MYZAP: variants seen among roughly 807,000 people sequenced by gnomAD.
MYZAP encodes the protein myocardial zonula adherens protein, also known as GRINL1A complex locus upstream.
Under a neutral mutation model 69.4 loss-of-function variants are expected in MYZAP, and 66 were observed. That is an observed-to-expected ratio of 0.95 (90% CI 0.78 to 1.17). MYZAP has a LOEUF of 1.17. Among genes scored for constraint, MYZAP ranks in the 50% most tolerant of loss-of-function variants. The pLI is 0.00. For synonymous variants in MYZAP, 256 were observed against 205.9 expected, an observed-to-expected ratio of 1.24 and a Z score of -2.09; for missense variants, 611 against 556.2, an observed-to-expected ratio of 1.10 and a Z score of -0.99.
chr15:57,630,823 G>A (rs1288208537), intron 6 of MYZAP, among the ~76,000 whole-genome samples: 3 of 152,224 alleles, frequency 2.0e-5, no homozygotes, highest in Non-Finnish European at 4.4e-5. Context: ...TATCTTATGA[G>A]TAGCGTATCC....
chr15:57,609,426 A>G (rs2034967772), intron 2 of MYZAP, among the ~76,000 whole-genome samples: 1 of 152,108 alleles, frequency 6.6e-6, no homozygotes, highest in South Asian at 2.1e-4. Context: ...GCTCTTGGTA[A>G]TCCTTGCCTT....
chr15:57,653,230 T>C (rs990282728), intron 10 of MYZAP, among the ~76,000 whole-genome samples: 1 of 152,082 alleles, frequency 6.6e-6, no homozygotes, highest in Non-Finnish European at 1.5e-5. Flanking sequence ...AATGAAAACA[T>C]TATAAAGAAA....
intron 5 of MYZAP, among the ~76,000 whole-genome samples, chr15:57,626,893 C>T (rs2036168374): frequency 6.6e-6 from 1 of 152,204 alleles, no homozygotes; most frequent in South Asian, 2.1e-4. Context: ...TCTGGTGGGG[C>T]TTCTGAGTCC....
intron 2 of MYZAP, among the ~76,000 whole-genome samples, chr15:57,608,986 G>A (rs1026171807): frequency 2.6e-5 from 4 of 152,150 alleles, no homozygotes; most frequent in African/African-American, 9.7e-5. Flanking sequence ...ATGTGCTGGG[G>A]TGGTCACTCT....
chr15:57,605,843 C>G (rs973388495), intron 2 of MYZAP, among the ~76,000 whole-genome samples: 1 of 152,002 alleles, frequency 6.6e-6, no homozygotes, highest in Non-Finnish European at 1.5e-5. Context: ...GACCTAGCAG[C>G]CAGTTTGAAT....
rs376336729 is a variant in MYZAP, at chr15:57,622,260, TA to T, written c.411+561del. Among the ~76,000 whole-genome samples the T allele has an allele frequency of 5.2e-3, 789 of 151,988 alleles. 22 individuals are homozygous for T. The East Asian group carries it at 0.054, about 10-fold the overall frequency. ...TCCCAAAATATCATCAACAGAAAAATACTACATACCTAGGAGTCAACTATAA... is the reference window on the plus strand; with the variant it reads ...TCCCAAAATATCATCAACAGAAAAATCTACATACCTAGGAGTCAACTATAA... On this transcript the variant is annotated intron_variant, in intron 4 of 12. Coordinates refer to ENST00000267853, the MANE Select transcript of MYZAP (RefSeq NM_001018100.5).
At chr15:57,609,335 G>A (rs564012638) in intron 2 of MYZAP, among the ~76,000 whole-genome samples, 1 of 152,342 alleles carries the variant, frequency 6.6e-6, no homozygotes, top group East Asian at 1.9e-4. Flanking sequence ...GAGTTCATAT[G>A]TCTGGGATCA....
rs1248286369 is a variant in MYZAP, at chr15:57,676,523, A to G, written c.1304+1455A>G. On this transcript the variant is annotated intron_variant, in intron 12 of 12. Coordinates refer to ENST00000267853, the MANE Select transcript of MYZAP (RefSeq NM_001018100.5). ...TTCAGATATATTTTCATATATGAAA[A>G]TATAACCAAAAAGAACGATCAATTG... 3.3e-5 allele frequency among the ~76,000 whole-genome samples: 5 copies of G among 150,664 alleles called. No individual in the cohort carries two copies. In the East Asian group the frequency reaches 9.7e-4, roughly 29 times the overall value.
chr15:57,606,544 A>G (rs1407719329), intron 2 of MYZAP, among the ~76,000 whole-genome samples: 1 of 130,522 alleles, frequency 7.7e-6, no homozygotes, highest in African/African-American at 2.9e-5. Context: ...ACATGGACGC[A>G]GGAAGGGGAA....
intron 2 of MYZAP, among the ~76,000 whole-genome samples, chr15:57,604,559 C>T (rs2034625102): frequency 6.6e-6 from 1 of 152,224 alleles, no homozygotes; most frequent in Admixed American, 6.5e-5. Context: ...CCGACGTGCC[C>T]TGCTCTTGTT....
rs1370310691 is a variant in MYZAP at position 57,599,617 on chromosome 15, A to G, written c.76-4652A>G. On this transcript the variant is annotated intron_variant, in intron 1 of 12. Coordinates refer to ENST00000267853, the MANE Select transcript of MYZAP (RefSeq NM_001018100.5). ...GAATAAAGTGCCCTACCTGCCTTTC[A>G]GGCACTGCCAAGCCTGGGGCATCTC... is the stretch of plus-strand genomic sequence containing the variant. The G allele has an allele frequency of 2.3e-6, 3 of 1,289,040 alleles. No individual in the cohort carries two copies. In the Admixed American group the frequency reaches 6.9e-5, roughly 30 times the overall value. 79.9% of individuals were successfully genotyped at this position (1,289,040 alleles called of 1,614,324 possible). A position where few individuals can be genotyped will look rare whatever the true frequency, so the allele number is the denominator to read the frequency against.
In MYZAP at chr15:57,592,069, C is replaced by T. The variant is rs1946818955; in HGVS notation, c.35C>T (p.Ser12Leu). 1 of 1,393,280 alleles carries T rather than the reference C, an allele frequency of 7.2e-7. No homozygotes were observed. The highest frequency in any genetic ancestry group is 3.1e-5 in the East Asian group (1 of 32,500). The allele number at this position is 1,393,280 out of a possible 1,614,324, so 86.3% of individuals were successfully genotyped here. ...TCCACGTCCACGGTCACCCTGCTCT[C>T]GGGCGGCGCCGCCAGGACGCCCGGG... ...LRSTSTVTLL[S>L]GGAARTPGAP... The change falls in exon 1 of 13, where the codon TCG (serine) becomes TTG (leucine). Residue 12 changes from serine (S) to leucine (L), a missense_variant. Physicochemically the swap from Ser to Leu is moderately radical, Grantham distance 145. Transcript: ENST00000267853.
At chr15:57,650,970 C>G (rs932399651) in intron 10 of MYZAP, among the ~76,000 whole-genome samples, 8 of 152,154 alleles carry the variant, frequency 5.3e-5, no homozygotes, top group Non-Finnish European at 1.2e-4. Context: ...TAGCACCAAG[C>G]CAAGAAGGAT....
At chr15:57,652,272 C>G (rs934099341) in intron 10 of MYZAP, among the ~76,000 whole-genome samples, 1 of 152,154 alleles carries the variant, frequency 6.6e-6, no homozygotes, top group Admixed American at 6.5e-5. Flanking sequence ...TACTCCCCCC[C>G]AAATGAGATA....
chr15:57,598,386 TC>T (rs1237326093), intron 1 of MYZAP, among the ~76,000 whole-genome samples: 3 of 152,204 alleles, frequency 2.0e-5, no homozygotes, highest in African/African-American at 7.2e-5. Context: ...CCAGGGAGTT[TC>T]AGGTATATTC....
chr15:57,605,156 A>G (rs769623150), intron 2 of MYZAP, among the ~76,000 whole-genome samples: 3 of 152,174 alleles, frequency 2.0e-5, no homozygotes, highest in Non-Finnish European at 4.4e-5. Context: ...TGTTGTATAC[A>G]GTGGGAATAT....
intron 4 of MYZAP, among the ~76,000 whole-genome samples, chr15:57,624,964 A>G (rs969931219): frequency 2.0e-5 from 3 of 152,094 alleles, no homozygotes; most frequent in Non-Finnish European, 4.4e-5. Flanking sequence ...CCTCTTACCA[A>G]TATCTAGGTC....
At chr15:57,666,490 C>A (rs1434080453) in intron 11 of MYZAP, among the ~76,000 whole-genome samples, 1 of 152,148 alleles carries the variant, frequency 6.6e-6, no homozygotes, top group Admixed American at 6.5e-5. Context: ...GAACTCCCTC[C>A]TCCCTCTGCC....
intron 3 of MYZAP, among the ~76,000 whole-genome samples, chr15:57,620,969 TTATA>T (rs1354362340): frequency 4.0e-5 from 6 of 149,064 alleles, no homozygotes; most frequent in African/African-American, 1.5e-4. Flanking sequence ...TTACATGTAA[TTATA>T]TATAATTTTA....
Sources: gnomAD v4.1 joint callset for allele counts (sites outside exome capture counted in the v4.1 genomes callset) on GRCh38, gnomAD v4.1.1 for gene constraint, MANE v1.5 for transcripts, NCBI Gene and HGNC (gene_info 2026-07-23, HGNC 2026-07-21) for gene names.